Variants in RAP1GDS1 observed in about 807,000 individuals in gnomAD.
The protein encoded by RAP1GDS1 is RAP1, GTP-GDP dissociation stimulator 1.
Under a neutral mutation model 71.1 loss-of-function variants are expected in RAP1GDS1, and 35 were observed. The ratio of observed to expected loss-of-function variants is 0.49; its 90% CI spans 0.38 to 0.65. The LOEUF is 0.65. Among genes scored for constraint, RAP1GDS1 ranks in the 30% least tolerant of loss-of-function variants. RAP1GDS1 has a pLI of 0.00. For missense variants in RAP1GDS1, 663 were observed against 706.1 expected, an observed-to-expected ratio of 0.94 and a Z score of 0.69; for synonymous variants, 229 against 243.1, an observed-to-expected ratio of 0.94 and a Z score of 0.54.
At chr4:98,316,294 A>G (rs531133506) in intron 2 of RAP1GDS1, among the ~76,000 whole-genome samples, 3 of 152,278 alleles carry the variant, frequency 2.0e-5, no homozygotes, top group South Asian at 2.1e-4. Flanking sequence ...AGAGTTTTCA[A>G]TGAGGTTTAA....
At chr4:98,381,730 T>C in intron 5 of RAP1GDS1, among the ~76,000 whole-genome samples, 1 of 151,572 alleles carries the variant, frequency 6.6e-6, no homozygotes, top group East Asian at 1.9e-4. Flanking sequence ...TTTTTCCTGC[T>C]GTAGTAGAAA....
intron 14 of RAP1GDS1, 146 bp downstream of exon 14, chr4:98,437,214 T>C: frequency 2.6e-6 from 2 of 769,926 alleles, no homozygotes; most frequent in Non-Finnish European, 1.9e-6. Flanking sequence ...TTTCCCCTAT[T>C]ACTGTAAACA....
rs73834450 is a variant in RAP1GDS1 at position 98,358,031 on chromosome 4, G to A, written c.361+5430G>A. Among the ~76,000 whole-genome samples, 753 of 152,152 alleles carry A rather than the reference G, an allele frequency of 4.9e-3. 7 individuals are homozygous for A. The highest frequency in any genetic ancestry group is 0.018 in the South Asian group (86 of 4,826). On this transcript the variant is annotated intron_variant, in intron 4 of 14. Transcript: ENST00000408927. Reference sequence around the variant, plus strand: ...AAATCTGGTGGGAAGCAGGGATAATGTGCTTAACTGTGTATAAGCACTGAT... The same window carrying A: ...AAATCTGGTGGGAAGCAGGGATAATATGCTTAACTGTGTATAAGCACTGAT...
intron 5 of RAP1GDS1, among the ~76,000 whole-genome samples, chr4:98,384,042 A>G (rs1742386038): frequency 6.6e-6 from 1 of 151,638 alleles, no homozygotes; most frequent in Non-Finnish European, 1.5e-5. Flanking sequence ...GAAAAAGAAC[A>G]AAACAATATG....
chr4:98,380,984 G>A (rs1741916021), intron 5 of RAP1GDS1, among the ~76,000 whole-genome samples: 1 of 151,576 alleles, frequency 6.6e-6, no homozygotes, highest in Admixed American at 6.6e-5. Flanking sequence ...AGCAGTGATT[G>A]AGTCCCATAA....
chr4:98,379,674 C>G (rs755796264), intron 5 of RAP1GDS1, among the ~76,000 whole-genome samples: 1 of 151,882 alleles, frequency 6.6e-6, no homozygotes, highest in Non-Finnish European at 1.5e-5. Flanking sequence ...TTTCTTTTCT[C>G]TGTAAAACAT....
intron 2 of RAP1GDS1, among the ~76,000 whole-genome samples, chr4:98,334,300 TA>T (rs557811180): frequency 6.6e-6 from 1 of 150,612 alleles, no homozygotes; most frequent in Non-Finnish European, 1.5e-5. Context: ...TATAGCAGTT[TA>T]AAAAAACAAA....
intron 2 of RAP1GDS1, among the ~76,000 whole-genome samples, chr4:98,336,209 G>A (rs1734701801): frequency 6.6e-6 from 1 of 151,876 alleles, no homozygotes; most frequent in South Asian, 2.1e-4. Context: ...TCAACTTCTT[G>A]GTGAACAATC....
rs764790281 is a variant in RAP1GDS1, at chr4:98,442,110, A to G, written c.1817A>G (p.Glu606Gly). 6.2e-7 allele frequency: 1 copy of G among 1,613,190 alleles called. No homozygotes were observed. Among genetic ancestry groups the G allele is most frequent in the South Asian group, 1.1e-5 (1 of 91,072 alleles). The stretch of plus-strand genomic sequence containing the variant: ...CTCACAGAGCAGAGACTTACTGTGG[A>G]AAGCTGAGAACTGCCCGATACACGG... ...ASLTEQRLTV[E>G]S Residue 606 changes from glutamate to glycine, a missense_variant, in exon 15 of 15, where the codon GAA becomes GGA. Transcript: ENST00000408927.
chr4:98,309,898 T>A lies in RAP1GDS1; in HGVS notation c.112+16383T>A, dbSNP rs1011452991. The stretch of plus-strand genomic sequence containing the variant: ...TAATATATGTATATACATATATATA[T>A]AATGGGTTATATAATTAAGAGTCTT... On this transcript the variant is annotated intron_variant, in intron 2 of 14. Transcript: ENST00000408927. Among the ~76,000 whole-genome samples the A allele has an allele frequency of 2.7e-5, 4 of 150,910 alleles. No homozygotes were observed. The South Asian group carries it at 8.4e-4, about 32-fold the overall frequency.
At chr4:98,357,914 G>A (rs987837777) in intron 4 of RAP1GDS1, among the ~76,000 whole-genome samples, 2 of 151,852 alleles carry the variant, frequency 1.3e-5, no homozygotes, top group African/African-American at 2.4e-5. Context: ...TATAAAAAGT[G>A]TGTGTGACTC....
At chr4:98,421,429 T>A (rs766622852) in intron 12 of RAP1GDS1, 35 bp downstream of exon 12, 2 of 1,535,724 alleles carry the variant, frequency 1.3e-6, no homozygotes, top group Non-Finnish European at 1.8e-6. Flanking sequence ...CTAGAAAACT[T>A]CAGAGTGTCT....
At chr4:98,328,846 A>G (rs1733527671) in intron 2 of RAP1GDS1, among the ~76,000 whole-genome samples, 1 of 152,216 alleles carries the variant, frequency 6.6e-6, no homozygotes, top group African/African-American at 2.4e-5. Flanking sequence ...ACTTGTTTGT[A>G]AAATAAGTTT....
Position 98,261,445 on chromosome 4 carries a change from C to T in RAP1GDS1, c.-121C>T, listed in dbSNP as rs891675905. On this transcript the variant is annotated 5_prime_UTR_variant, in exon 1 of 15. Transcript: ENST00000408927. ...ACCAGCTGCTCCTCCCCGGCGGCCG[C>T]CCCCCGCGGGTCCCTCCCTGGCTGC... 1.6e-5 allele frequency: 17 copies of T among 1,047,036 alleles called. No homozygotes were observed. Among genetic ancestry groups the T allele is most frequent in the Admixed American group, 5.9e-5 (2 of 34,120 alleles). The allele number at this position is 1,047,036 out of a possible 1,614,324, so 64.9% of individuals were successfully genotyped here.
chr4:98,400,240 T>C (rs1406427801), intron 6 of RAP1GDS1, among the ~76,000 whole-genome samples: 1 of 151,958 alleles, frequency 6.6e-6, no homozygotes, highest in East Asian at 1.9e-4. Context: ...AGGAAGTCAG[T>C]ATTGAAGAAA....
At position 98,418,639 on chromosome 4, in the gene RAP1GDS1, G is replaced by C; in HGVS notation, c.1040-18G>C. 1 of 1,576,686 alleles carries C rather than the reference G, an allele frequency of 6.3e-7. No homozygotes were observed. The highest frequency in any genetic ancestry group is 8.6e-7 in the Non-Finnish European group (1 of 1,165,410). Reference sequence around the variant, plus strand: ...ATATTTTAAAGAGGAAGAAAAAGATGTGTGTTTTTTTTTTCAGATGCAAAT... The same window carrying C: ...ATATTTTAAAGAGGAAGAAAAAGATCTGTGTTTTTTTTTTCAGATGCAAAT... On this transcript the variant is annotated intron_variant, in intron 9 of 14. Coordinates refer to ENST00000408927, the MANE Select transcript of RAP1GDS1 (RefSeq NM_001100427.2).
At chr4:98,343,295 A>G in intron 3 of RAP1GDS1, 34 bp downstream of exon 3, 3 of 1,554,548 alleles carry the variant, frequency 1.9e-6, no homozygotes, top group Non-Finnish European at 2.7e-6. Context: ...TCTGCTGGGA[A>G]CGTCTTCAGT....
chr4:98,333,365 T>G (rs1734267532), intron 2 of RAP1GDS1, among the ~76,000 whole-genome samples: 1 of 152,056 alleles, frequency 6.6e-6, no homozygotes. Context: ...CAAGAAATTT[T>G]GAACTGTTCA....
chr4:98,314,312 A>G (rs1157974197), intron 2 of RAP1GDS1, among the ~76,000 whole-genome samples: 1 of 152,214 alleles, frequency 6.6e-6, no homozygotes, highest in Non-Finnish European at 1.5e-5. Context: ...TGAGCTAGTG[A>G]CTGGTAATTA....
Sources: allele counts gnomAD v4.1 joint callset (sites outside exome capture counted in the v4.1 genomes callset), GRCh38; gene constraint gnomAD v4.1.1; transcripts MANE v1.5; gene names NCBI Gene and HGNC (gene_info 2026-07-23, HGNC 2026-07-21).